ROBO2: variants seen among roughly 807,000 people sequenced by gnomAD.
The protein encoded by ROBO2 is roundabout guidance receptor 2.
ROBO2 carries 53 observed loss-of-function variants against 160.8 expected under a neutral mutation model. That is an observed-to-expected ratio of 0.33 (90% CI 0.26 to 0.41). The LOEUF is 0.41. Ranked by LOEUF, ROBO2 falls within the 10% of genes least tolerant of loss-of-function variation. ROBO2 has a pLI of 1.00. For synonymous variants in ROBO2, 664 were observed against 611.7 expected (o/e 1.09, Z -1.26); for missense variants, 1,577 against 1,722.4 (o/e 0.92, Z 1.49).
intron 2 of ROBO2, among the ~76,000 whole-genome samples, chr3:76,439,782 T>A (rs2076841180): frequency 6.6e-6 from 1 of 152,112 alleles, no homozygotes; most frequent in South Asian, 2.1e-4. Flanking sequence ...AAGAGTGAGT[T>A]AAATCATTTG....
chr3:77,621,467 T>C (rs1392181311), intron 22 of ROBO2, among the ~76,000 whole-genome samples: 1 of 149,836 alleles, frequency 6.7e-6, no homozygotes, highest in Admixed American at 6.7e-5. Context: ...AAATGAGGGT[T>C]GATAATGCAT....
At chr3:76,191,753 C>T (rs1702016113) in intron 2 of ROBO2, among the ~76,000 whole-genome samples, 1 of 152,048 alleles carries the variant, frequency 6.6e-6, no homozygotes, top group African/African-American at 2.4e-5. Flanking sequence ...GCATACATAA[C>T]ATTCCCTTTG....
chr3:77,540,857 C>T (rs901253905), intron 6 of ROBO2, among the ~76,000 whole-genome samples: 25 of 152,100 alleles, frequency 1.6e-4, no homozygotes, highest in Non-Finnish European at 2.4e-4. Flanking sequence ...GAGATAATGC[C>T]TGTGGAGGGT....
chr3:76,614,423 C>G lies in ROBO2; in HGVS notation c.110-483591C>G, dbSNP rs2088398751. ...GAGCTTGTTAGTACCTCTCATAATA[C>G]TTGTTATCATTAACATTTACTCATA... On this transcript the variant is annotated intron_variant, in intron 2 of 26. Coordinates refer to the ROBO2 transcript ENST00000487694. Among the ~76,000 whole-genome samples, 3 of 152,044 alleles carry G rather than the reference C, an allele frequency of 2.0e-5. No homozygotes were observed. The South Asian group carries it at 6.2e-4, about 32-fold the overall frequency.
chr3:76,523,986 A>ATG (rs67480680), intron 2 of ROBO2, among the ~76,000 whole-genome samples: 5,935 of 149,394 alleles, frequency 0.04, 286 homozygotes, highest in African/African-American at 0.12. Context: ...GTGTGTGTGT[A>ATG]TGTGTGTGTG....
At chr3:76,256,990 C>T (rs899518103) in intron 2 of ROBO2, among the ~76,000 whole-genome samples, 5 of 152,074 alleles carry the variant, frequency 3.3e-5, no homozygotes, top group East Asian at 1.9e-4. Flanking sequence ...CACTCACTAC[C>T]GAGAGGACAG....
intron 2 of ROBO2, among the ~76,000 whole-genome samples, chr3:76,935,251 C>T (rs571476750): frequency 2.0e-5 from 3 of 152,296 alleles, no homozygotes; most frequent in African/African-American, 7.2e-5. Flanking sequence ...CCACACCCAG[C>T]CTAGACTTAC....
At chr3:76,224,347 A>G (rs1271334160) in intron 2 of ROBO2, among the ~76,000 whole-genome samples, 2 of 152,204 alleles carry the variant, frequency 1.3e-5, no homozygotes, top group African/African-American at 4.8e-5. Flanking sequence ...TGAGAAACTT[A>G]AGAGGATATG....
intron 2 of ROBO2, among the ~76,000 whole-genome samples, chr3:77,397,646 G>T (rs1332218218): frequency 6.6e-6 from 1 of 152,118 alleles, no homozygotes; most frequent in Non-Finnish European, 1.5e-5. Flanking sequence ...AAATGTGTGT[G>T]TGTATGCTAT....
intron 2 of ROBO2, among the ~76,000 whole-genome samples, chr3:76,665,272 A>G (rs563894017): frequency 3.1e-4 from 47 of 151,218 alleles, no homozygotes; most frequent in Admixed American, 3.1e-3. Context: ...AAAATATTTC[A>G]TATATGTTAT....
intron 2 of ROBO2, among the ~76,000 whole-genome samples, chr3:77,138,410 G>A (rs374932943): frequency 2.0e-5 from 3 of 152,114 alleles, no homozygotes; most frequent in African/African-American, 7.2e-5. Context: ...TTTAGATGCC[G>A]TGGTACTTTC....
chr3:76,483,665 G>C (rs1560022910), intron 2 of ROBO2, among the ~76,000 whole-genome samples: 1 of 152,056 alleles, frequency 6.6e-6, no homozygotes, highest in East Asian at 1.9e-4. Context: ...TCACCACCCA[G>C]GTAGTAAGCT....
chr3:76,634,701 G>C (rs1184288933), intron 2 of ROBO2, among the ~76,000 whole-genome samples: 2 of 152,168 alleles, frequency 1.3e-5, no homozygotes, highest in African/African-American at 4.8e-5. Flanking sequence ...AGAGGTTAGG[G>C]CTTCAACAAA....
intron 2 of ROBO2, among the ~76,000 whole-genome samples, chr3:77,342,732 A>T (rs764003215): frequency 2.6e-5 from 4 of 152,120 alleles, no homozygotes; most frequent in Non-Finnish European, 5.9e-5. Flanking sequence ...CCCAACACAC[A>T]CATTATATTC....
chr3:77,639,576 T>G (rs943965874), intron 24 of ROBO2, among the ~76,000 whole-genome samples: 2 of 152,146 alleles, frequency 1.3e-5, no homozygotes, highest in Non-Finnish European at 2.9e-5. Context: ...GAATGGCAAG[T>G]GAAGCTTGAG....
At chr3:76,454,325 A>C (rs533251999) in intron 2 of ROBO2, among the ~76,000 whole-genome samples, 14 of 152,294 alleles carry the variant, frequency 9.2e-5, no homozygotes, top group African/African-American at 3.4e-4. Context: ...TAAGCAAGAG[A>C]AGAGTAATTT....
intron 2 of ROBO2, among the ~76,000 whole-genome samples, chr3:77,105,614 G>A (rs2150134242): frequency 6.6e-6 from 1 of 152,268 alleles, no homozygotes. Context: ...TACACCTGGG[G>A]AACGTGTATG....
chr3:77,292,307 G>T (rs74917359), intron 2 of ROBO2, among the ~76,000 whole-genome samples: 2 of 149,124 alleles, frequency 1.3e-5, no homozygotes, highest in Non-Finnish European at 3.0e-5. Context: ...AAAATTGATG[G>T]TTAAATAGGA....
At chr3:76,894,858 C>G (rs986908895) in intron 2 of ROBO2, among the ~76,000 whole-genome samples, 1 of 151,934 alleles carries the variant, frequency 6.6e-6, no homozygotes, top group Non-Finnish European at 1.5e-5. Context: ...CAAAGAAATC[C>G]AAATTTTCAA....
Sources: gnomAD v4.1 joint callset for allele counts (sites outside exome capture counted in the v4.1 genomes callset) on GRCh38, gnomAD v4.1.1 for gene constraint, MANE v1.5 for transcripts, NCBI Gene and HGNC (gene_info 2026-07-23, HGNC 2026-07-21) for gene names.